Variants in GRIK1 observed in about 807,000 individuals in gnomAD.
The protein encoded by GRIK1 is glutamate receptor ionotropic, kainate 1.
Under a neutral mutation model 105.7 loss-of-function variants are expected in GRIK1, and 69 were observed. The observed-to-expected ratio is 0.65, with a 90% CI of 0.54 to 0.80. The LOEUF is 0.80. GRIK1 is among the 30% of genes least tolerant of loss of function. The probability of loss-of-function intolerance (pLI) is 0.00; values close to 1 mark genes in which losing one functional copy is unlikely to be tolerated. For missense variants in GRIK1, 1,109 were observed against 1,167.3 expected (o/e 0.95, Z 0.73); for synonymous variants, 438 against 431.3 (o/e 1.02, Z -0.19).
At chr21:29,542,533 T>C (rs78343096) in intron 16 of GRIK1, among the ~76,000 whole-genome samples, 1,953 of 152,310 alleles carry the variant, frequency 0.013, 45 homozygotes, top group African/African-American at 0.044. Flanking sequence ...TTTTAAGTTA[T>C]AGATAAAGCT....
At chr21:29,768,725 A>AG (rs1285006241) in intron 1 of GRIK1, among the ~76,000 whole-genome samples, 1 of 152,134 alleles carries the variant, frequency 6.6e-6, no homozygotes, top group Non-Finnish European at 1.5e-5. Flanking sequence ...ACCATGCTGA[A>AG]GAGTTGTCTA....
chr21:29,599,142 A>G (rs2061471353), intron 7 of GRIK1, among the ~76,000 whole-genome samples: 1 of 152,224 alleles, frequency 6.6e-6, no homozygotes, highest in Non-Finnish European at 1.5e-5. Flanking sequence ...CAATTCTAAC[A>G]TCCTAACCCA....
chr21:29,769,831 G>A (rs1364648314), intron 1 of GRIK1, among the ~76,000 whole-genome samples: 2 of 152,088 alleles, frequency 1.3e-5, no homozygotes, highest in African/African-American at 4.8e-5. Flanking sequence ...CTTGATTTCA[G>A]CCTTCTAGCC....
chr21:29,839,247 A>T (rs979635247), intron 1 of GRIK1, among the ~76,000 whole-genome samples: 1 of 151,932 alleles, frequency 6.6e-6, no homozygotes, highest in Non-Finnish European at 1.5e-5. Context: ...ACAGGGTTTC[A>T]TTATGTTGGC....
intron 1 of GRIK1, among the ~76,000 whole-genome samples, chr21:29,781,368 G>A (rs2248218): frequency 0.45 from 68,934 of 151,706 alleles, 18,210 homozygotes; most frequent in Middle Eastern, 0.59. Context: ...CCAGGAACAA[G>A]GAGTTAATTA....
chr21:29,670,071 T>C (rs1225474617), intron 4 of GRIK1, among the ~76,000 whole-genome samples: 2 of 152,158 alleles, frequency 1.3e-5, no homozygotes, highest in Non-Finnish European at 2.9e-5. Flanking sequence ...CTGTAGTTAT[T>C]CCAAAAAGCG....
intron 12 of GRIK1, among the ~76,000 whole-genome samples, chr21:29,584,529 A>G (rs1234666425): frequency 6.6e-6 from 1 of 152,238 alleles, no homozygotes; most frequent in Non-Finnish European, 1.5e-5. Flanking sequence ...CATAGTAATT[A>G]AATATTGTTT....
At chr21:29,886,750 G>C (rs1483591308) in intron 1 of GRIK1, among the ~76,000 whole-genome samples, 1 of 152,076 alleles carries the variant, frequency 6.6e-6, no homozygotes, top group Admixed American at 6.6e-5. Flanking sequence ...TAGAACTCTA[G>C]GCAAATTTGA....
chr21:29,619,845 A>T (rs1432513987), intron 7 of GRIK1, among the ~76,000 whole-genome samples: 3 of 152,190 alleles, frequency 2.0e-5, no homozygotes, highest in Admixed American at 2.0e-4. Context: ...CACCTTTACC[A>T]GGGACAAGTT....
At chr21:29,825,748 G>C (rs1017149364) in intron 1 of GRIK1, among the ~76,000 whole-genome samples, 2 of 152,032 alleles carry the variant, frequency 1.3e-5, no homozygotes, top group African/African-American at 2.4e-5. Flanking sequence ...AAAACTTTGA[G>C]AAATATGTTT....
At chr21:29,840,560 G>A (rs550334509) in intron 1 of GRIK1, among the ~76,000 whole-genome samples, 66 of 152,254 alleles carry the variant, frequency 4.3e-4, no homozygotes, top group African/African-American at 1.3e-3. Context: ...GCAGGCTTGA[G>A]AAATCAATAC....
intron 1 of GRIK1, among the ~76,000 whole-genome samples, chr21:29,816,732 C>T (rs924624652): frequency 7.2e-5 from 11 of 151,882 alleles, no homozygotes; most frequent in Admixed American, 2.0e-4. Context: ...TATGTGGGAG[C>T]TAAGAAAGTC....
At chr21:29,886,177 T>A (rs2069621387) in intron 1 of GRIK1, among the ~76,000 whole-genome samples, 1 of 152,112 alleles carries the variant, frequency 6.6e-6, no homozygotes, top group Admixed American at 6.6e-5. Flanking sequence ...TAACATGAGA[T>A]TAGCTGAACA....
At chr21:29,799,518 A>G (rs1030128436) in intron 1 of GRIK1, among the ~76,000 whole-genome samples, 10 of 151,176 alleles carry the variant, frequency 6.6e-5, no homozygotes, top group African/African-American at 2.4e-4. Context: ...GTTTGTTTTC[A>G]TTTGTTTTTT....
intron 1 of GRIK1, among the ~76,000 whole-genome samples, chr21:29,911,235 C>T (rs1326153643): frequency 6.6e-6 from 1 of 151,990 alleles, no homozygotes; most frequent in Non-Finnish European, 1.5e-5. Context: ...CAAAACCGGG[C>T]AACAGGACTT....
chr21:29,780,954 C>A (rs749311736), intron 1 of GRIK1, among the ~76,000 whole-genome samples: 2 of 152,050 alleles, frequency 1.3e-5, no homozygotes, highest in Non-Finnish European at 2.9e-5. Flanking sequence ...CAAAATTATA[C>A]CAACCCCTCA....
chr21:29,834,197 C>A (rs1043596759), intron 1 of GRIK1, among the ~76,000 whole-genome samples: 5 of 151,358 alleles, frequency 3.3e-5, no homozygotes, highest in Admixed American at 6.6e-5. Context: ...TTTTTTAGAA[C>A]AATAATTTGA....
At chr21:29,783,884 C>A (rs970480368) in intron 1 of GRIK1, among the ~76,000 whole-genome samples, 1 of 152,152 alleles carries the variant, frequency 6.6e-6, no homozygotes, top group Admixed American at 6.5e-5. Flanking sequence ...TTTACTATTA[C>A]CATATCAATC....
At chr21:29,621,411 T>C (rs57952320) in intron 7 of GRIK1, among the ~76,000 whole-genome samples, 2 of 151,548 alleles carry the variant, frequency 1.3e-5, no homozygotes, top group Admixed American at 6.6e-5. Flanking sequence ...TGTGTGTGTG[T>C]GGGGAAGACG....
Sources: allele counts gnomAD v4.1 joint callset (sites outside exome capture counted in the v4.1 genomes callset), GRCh38; gene constraint gnomAD v4.1.1; transcripts MANE v1.5; gene names NCBI Gene and HGNC (gene_info 2026-07-23, HGNC 2026-07-21).